The following ECT2L variants were observed in gnomAD, a reference collection of about 807,000 sequenced individuals.
ECT2L encodes the protein epithelial cell-transforming sequence 2 oncogene-like.
Under a neutral mutation model 122.8 loss-of-function variants are expected in ECT2L, and 126 were observed. That is an observed-to-expected ratio of 1.03 (90% confidence interval 0.89 to 1.19). The LOEUF (loss-of-function observed/expected upper bound fraction) is 1.19, where lower values mean the gene tolerates loss of function less well. Among genes scored for constraint, ECT2L ranks in the 50% most tolerant of loss-of-function variants. The pLI is 0.00. For missense variants in ECT2L, 1,012 were observed against 1,064.1 expected, an observed-to-expected ratio of 0.95 and a Z score of 0.68; for synonymous variants, 385 against 381.8, an observed-to-expected ratio of 1.01 and a Z score of -0.10.
chr6:138,857,048 G>T (rs116079688), intron 10 of ECT2L, among the ~76,000 whole-genome samples: 5 of 151,706 alleles, frequency 3.3e-5, no homozygotes, highest in African/African-American at 1.2e-4. Flanking sequence ...TCTTCCCTTC[G>T]CCCTGATGGA....
intron 6 of ECT2L, among the ~76,000 whole-genome samples, chr6:138,843,933 G>A (rs941471578): frequency 2.0e-5 from 3 of 152,046 alleles, no homozygotes; most frequent in Admixed American, 6.6e-5. Context: ...CAAGTGACCC[G>A]CCCACCCTGG....
chr6:138,813,952 T>C (rs1775987930), intron 3 of ECT2L, among the ~76,000 whole-genome samples: 1 of 152,098 alleles, frequency 6.6e-6, no homozygotes, highest in African/African-American at 2.4e-5. Flanking sequence ...AAACGCAGGT[T>C]TGGGGGACTC....
At chr6:138,807,116 T>TA (rs1491485266) in intron 1 of ECT2L, among the ~76,000 whole-genome samples, 1 of 79,084 alleles carries the variant, frequency 1.3e-5, no homozygotes, top group Non-Finnish European at 2.8e-5. Context: ...CCCAGGGGTA[T>TA]TTTTTTTTTT....
At chr6:138,810,047 T>G (rs185808531) in intron 1 of ECT2L, among the ~76,000 whole-genome samples, 102 of 152,324 alleles carry the variant, frequency 6.7e-4, no homozygotes, top group Non-Finnish European at 1.4e-3. Context: ...TCGTACTTTA[T>G]GCAAAGAGGT....
At chr6:138,863,615 C>T (rs937098993) in intron 11 of ECT2L, among the ~76,000 whole-genome samples, 5 of 143,972 alleles carry the variant, frequency 3.5e-5, no homozygotes, top group Non-Finnish European at 7.7e-5. Context: ...GGTTTTCTTT[C>T]TTTTTTTTTT....
intron 5 of ECT2L, among the ~76,000 whole-genome samples, chr6:138,838,926 C>A (rs1183804110): frequency 6.6e-6 from 1 of 152,078 alleles, no homozygotes; most frequent in Non-Finnish European, 1.5e-5. Context: ...GGATTACAGG[C>A]GCGTGCCACC....
At position 138,854,112 on chromosome 6, in the gene ECT2L, G is replaced by A; in HGVS notation, c.1156G>A (p.Glu386Lys). The A allele has an allele frequency of 6.2e-7, 1 of 1,614,188 alleles. No homozygotes were observed. Among genetic ancestry groups the A allele is most frequent in the Non-Finnish European group, 8.5e-7 (1 of 1,180,022 alleles). The change falls in exon 10 of 22, where the codon GAA becomes AAA. Residue 386 changes from glutamate (E) to lysine (K), a missense_variant. Glu to Lys is a moderately conservative substitution (Grantham distance 56, BLOSUM62 1). Coordinates refer to ENST00000541398, the MANE Select transcript of ECT2L (RefSeq NM_001077706.3). ...KLGSYVATEE[E>K]GGHVDFFVPL... ...AGGAAGCTATGTGGCCACTGAAGAA[G>A]AAGGGGGTCACGTGGACTTCTTCGT...
intron 14 of ECT2L, among the ~76,000 whole-genome samples, chr6:138,877,157 T>TG (rs199642602): frequency 6.6e-6 from 1 of 152,130 alleles, no homozygotes; most frequent in African/African-American, 2.4e-5. Flanking sequence ...AAAAGTTACA[T>TG]GGGGGAAAAA....
intron 12 of ECT2L, among the ~76,000 whole-genome samples, chr6:138,866,888 C>T (rs1778059760): frequency 6.6e-6 from 1 of 151,974 alleles, no homozygotes. Flanking sequence ...GCCTGGGCAA[C>T]ATGGCAAAAC....
chr6:138,836,383 T>C (rs1170697025), intron 4 of ECT2L, among the ~76,000 whole-genome samples: 1 of 150,264 alleles, frequency 6.7e-6, no homozygotes, highest in African/African-American at 2.4e-5. Flanking sequence ...CCACCTCCCA[T>C]GTTCAAGCGA....
chr6:138,839,815 G>A (rs1214469599), intron 5 of ECT2L, among the ~76,000 whole-genome samples: 1 of 151,830 alleles, frequency 6.6e-6, no homozygotes, highest in Non-Finnish European at 1.5e-5. Flanking sequence ...TGTTAATTAT[G>A]GATTCTTTAA....
chr6:138,862,838 C>A, intron 11 of ECT2L, 119 bp downstream of exon 11: 1 of 747,436 alleles, frequency 1.3e-6, no homozygotes, highest in Non-Finnish European at 2.2e-6. Context: ...CTCTTTCATT[C>A]CTCCCCTGAA....
chr6:138,808,341 C>T (rs1775778357), intron 1 of ECT2L, among the ~76,000 whole-genome samples: 1 of 152,100 alleles, frequency 6.6e-6, no homozygotes, highest in South Asian at 2.1e-4. Flanking sequence ...ACCTCCAGGA[C>T]TCAAGTGATC....
chr6:138,893,312 A>ACTAGAACCT (rs1218446158), intron 20 of ECT2L, among the ~76,000 whole-genome samples: 5 of 151,670 alleles, frequency 3.3e-5, no homozygotes, highest in African/African-American at 9.7e-5. Flanking sequence ...AGGTTCTAGT[A>ACTAGAACCT]CAAGTTTCCC....
chr6:138,844,651 A>G, intron 7 of ECT2L, 71 bp downstream of exon 7: 2 of 1,413,356 alleles, frequency 1.4e-6, no homozygotes, highest in Non-Finnish European at 2.0e-6. Context: ...GAATAAATTT[A>G]GCTATCACGC....
At chr6:138,834,730 T>C (rs936039418) in intron 4 of ECT2L, among the ~76,000 whole-genome samples, 32 of 152,310 alleles carry the variant, frequency 2.1e-4, no homozygotes, top group African/African-American at 7.7e-4. Context: ...TTAACTGTTC[T>C]TGGCATTGTC....
intron 14 of ECT2L, 31 bp from the exon 15 acceptor site, chr6:138,880,926 A>T: frequency 6.3e-7 from 1 of 1,592,192 alleles, no homozygotes; most frequent in African/African-American, 1.3e-5. Context: ...CTTCTCCATC[A>T]CTGACTTGAG....
At chr6:138,885,022 C>CTTTTTTTTTTTTT (rs34579502) in intron 16 of ECT2L, among the ~76,000 whole-genome samples, 2 of 78,850 alleles carry the variant, frequency 2.5e-5, no homozygotes, top group African/African-American at 4.8e-5. Flanking sequence ...AACACACATT[C>CTTTTTTTTTTTTT]TTTTTTTTTT....
chr6:138,877,158 G>A (rs1359251707), intron 14 of ECT2L, among the ~76,000 whole-genome samples: 1 of 147,550 alleles, frequency 6.8e-6, no homozygotes, highest in Admixed American at 7.2e-5. Flanking sequence ...AAAGTTACAT[G>A]GGGGAAAAAA....
Sources: allele counts gnomAD v4.1 joint callset (sites outside exome capture counted in the v4.1 genomes callset), GRCh38; gene constraint gnomAD v4.1.1; transcripts MANE v1.5; gene names NCBI Gene and HGNC (gene_info 2026-07-23, HGNC 2026-07-21).